Variants in HAUS8 observed in about 807,000 individuals in gnomAD.
The protein encoded by HAUS8 is HAUS augmin-like complex subunit 8.
Under a neutral mutation model 42.9 loss-of-function variants are expected in HAUS8, and 38 were observed. The ratio of observed to expected loss-of-function variants is 0.89; its 90% CI spans 0.68 to 1.16. HAUS8 has a LOEUF of 1.16. Ranked by LOEUF, HAUS8 falls within the 50% of genes most tolerant of loss-of-function variation. The pLI is 0.00. For synonymous variants in HAUS8, 199 were observed against 205.8 expected (o/e 0.97, Z 0.28); for missense variants, 494 against 511.6 (o/e 0.97, Z 0.33).
chr19:17,060,362 T>C, intron 4 of HAUS8: 1 of 371,962 alleles, frequency 2.7e-6, no homozygotes, highest in Non-Finnish European at 4.9e-6. Flanking sequence ...GTTCACAAGA[T>C]GCTACAGGTG....
At position 17,065,803 on chromosome 19, in the gene HAUS8, G is replaced by A. The variant is rs185797641; in HGVS notation, c.148-3024C>T. 5.7e-3 allele frequency among the ~76,000 whole-genome samples: 840 copies of A among 146,606 alleles called. 4 individuals are homozygous for A. Among genetic ancestry groups the A allele is most frequent in the Admixed American group, 8.0e-3 (116 of 14,418 alleles). ...CGCACCACTGCATTCCAGACTGGGC[G>A]ACAGAGCGAGGCTCTATCTCAAAAA... On this transcript the variant is annotated intron_variant, in intron 3 of 10. Transcript: ENST00000253669.
chr19:17,071,596 G>A lies in HAUS8; in HGVS notation c.91+1678C>T, dbSNP rs150963179. On this transcript the variant is annotated intron_variant, in intron 2 of 10. Coordinates refer to ENST00000253669, the MANE Select transcript of HAUS8 (RefSeq NM_033417.2). ...AGCCCGGGTCTTTCTAGTAGCATCA[G>A]GAAACAGTTTTGCTCAACAAGGAGG... is the stretch of plus-strand genomic sequence containing the variant. 2.4e-4 allele frequency among the ~76,000 whole-genome samples: 36 copies of A among 152,306 alleles called. 1 individual carries two copies. The East Asian group carries it at 6.0e-3, about 25-fold the overall frequency.
Position 17,049,974 on chromosome 19 carries a change from G to A in HAUS8, c.1132C>T (p.Pro378Ser). The change falls in exon 11 of 11, where the codon CCC (proline) becomes TCC (serine). Residue 378 changes from proline (P) to serine (S), a missense_variant. Physicochemically the swap from Pro to Ser is moderately conservative, Grantham distance 74. Coordinates refer to ENST00000253669, the MANE Select transcript of HAUS8 (RefSeq NM_033417.2). Reference sequence around the variant, plus strand: ...GGGCTGATGAACGTGGCCTGAGCGGGGGCTGACGAGGCACCCGGGTTGTCG... The same window carrying A: ...GGGCTGATGAACGTGGCCTGAGCGGAGGCTGACGAGGCACCCGGGTTGTCG... ...EDDNPGASSA[P>S]AQATFISPSE... The A allele has an allele frequency of 6.3e-7, 1 of 1,599,672 alleles. No individual in the cohort carries two copies. Among genetic ancestry groups the A allele is most frequent in the African/African-American group, 1.3e-5 (1 of 74,374 alleles).
intron 6 of HAUS8, among the ~76,000 whole-genome samples, 162 bp downstream of exon 6, chr19:17,059,395 A>G (rs1480603958): frequency 6.6e-6 from 1 of 152,186 alleles, no homozygotes; most frequent in Non-Finnish European, 1.5e-5. Context: ...TGTAAACTCT[A>G]CAAATGATCT....
Position 17,060,083 on chromosome 19 carries a change from C to G in HAUS8, c.239G>C (p.Ser80Thr), listed in dbSNP as rs754171134. 6.2e-7 allele frequency: 1 copy of G among 1,608,980 alleles called. No individual in the cohort carries two copies. The highest frequency in any genetic ancestry group is 1.3e-5 in the African/African-American group (1 of 74,774). Reference sequence around the variant, plus strand: ...CTGCAGGTCACCCTTTCCGACCCCACTGCTATCTGCTGTTAAGAAAAGAAT... The same window carrying G: ...CTGCAGGTCACCCTTTCCGACCCCAGTGCTATCTGCTGTTAAGAAAAGAAT... ...SLLQKSKADS[S>T]GVGKGDLQST... The change falls in exon 5 of 11, where the codon AGT becomes ACT. Residue 80 changes from serine (S) to threonine (T), a missense_variant. Ser to Thr is a moderately conservative substitution (Grantham distance 58, BLOSUM62 1). Coordinates refer to ENST00000253669, the MANE Select transcript of HAUS8 (RefSeq NM_033417.2).
chr19:17,062,800 A>C, intron 3 of HAUS8, 21 bp from the exon 4 acceptor site: 1 of 1,581,428 alleles, frequency 6.3e-7, no homozygotes, highest in Non-Finnish European at 8.7e-7. Flanking sequence ...AACACATGAC[A>C]CTCAGAGGAC....
intron 2 of HAUS8, among the ~76,000 whole-genome samples, chr19:17,070,593 T>C (rs898839806): frequency 6.6e-6 from 1 of 152,198 alleles, no homozygotes; most frequent in African/African-American, 2.4e-5. Flanking sequence ...CACAGCACAC[T>C]TGTCTCTGCC....
At chr19:17,064,405 C>T (rs536405392) in intron 3 of HAUS8, among the ~76,000 whole-genome samples, 10 of 152,226 alleles carry the variant, frequency 6.6e-5, no homozygotes, top group South Asian at 6.2e-4. Context: ...GCCAAAGGAA[C>T]GAGAAGAGAC....
At chr19:17,075,244 G>A (rs886066577) in intron 1 of HAUS8, 150 bp downstream of exon 1, 1 of 808,238 alleles carries the variant, frequency 1.2e-6, no homozygotes, top group African/African-American at 1.7e-5. Context: ...CGCAGAGGCA[G>A]CACGCCATCG....
rs4808557 is a variant in HAUS8, at chr19:17,049,754, T to C, written c.*119A>G. 0.28 allele frequency: 230,758 copies of C among 811,784 alleles called. 34,428 individuals carry two copies. Among genetic ancestry groups the C allele is most frequent in the African/African-American group, 0.4 (22,827 of 56,686 alleles). The allele number at this position is 811,784 out of a possible 1,614,324, so 50.3% of individuals were successfully genotyped here. On this transcript the variant is annotated 3_prime_UTR_variant, in exon 11 of 11. Coordinates refer to ENST00000253669, the MANE Select transcript of HAUS8 (RefSeq NM_033417.2). ...TTCCAACTGGCCCCTTCATAGAAAA[T>C]GGAGGCTTCAATTGCAAAACAGGTT...
rs982580330 is a variant in HAUS8, at chr19:17,059,914, G to C, written c.325+83C>G. On this transcript the variant is annotated intron_variant, in intron 5 of 10. Transcript: ENST00000253669. ...TGGGTTTGTTGGATGTGACCCCACT[G>C]TAGGCCAATTGTACTTTGGAAGCCC... 1.1e-5 allele frequency: 11 copies of C among 972,424 alleles called. No individual in the cohort carries two copies. In the African/African-American group the frequency reaches 1.8e-4, roughly 16 times the overall value. 60.2% of individuals were successfully genotyped at this position (972,424 alleles called of 1,614,324 possible).
intron 1 of HAUS8, chr19:17,074,234 G>T: frequency 6.5e-6 from 1 of 152,746 alleles, no homozygotes. Flanking sequence ...GGCAAGTGGA[G>T]GGGCAGGGCC....
intron 6 of HAUS8, among the ~76,000 whole-genome samples, chr19:17,059,330 C>T (rs1217710211): frequency 6.6e-6 from 1 of 152,202 alleles, no homozygotes; most frequent in East Asian, 1.9e-4. Context: ...TCCCCTGTCT[C>T]ATTTTTTACA....
chr19:17,058,803 GT>G lies in HAUS8; in HGVS notation c.486+7del, dbSNP rs775379200. The G allele has an allele frequency of 4.4e-5, 71 of 1,612,648 alleles. No homozygotes were observed. In the East Asian group the frequency reaches 1.6e-3, roughly 35 times the overall value. ...CCATGGCATACGTGAACAAGAAACT[GT>G]TTTCACCTTTACGGATAGTAGCGTC... On this transcript the variant is annotated splice_region_variant and intron_variant, in intron 7 of 10. Coordinates refer to ENST00000253669, the MANE Select transcript of HAUS8 (RefSeq NM_033417.2).
At chr19:17,060,349 C>T in intron 4 of HAUS8, 2 of 405,540 alleles carry the variant, frequency 4.9e-6, no homozygotes, top group Non-Finnish European at 8.9e-6. Flanking sequence ...GGCCTTTCTG[C>T]TAGTTCACAA....
Position 17,058,399 on chromosome 19 carries a change from C to T in HAUS8, c.645+150G>A, listed in dbSNP as rs999707040. ...CTAAAAGTGTCATCATAGACCAACACCAGGACCAGAGCAAGTGTGGCATTA... is the reference window on the plus strand; with the variant it reads ...CTAAAAGTGTCATCATAGACCAACATCAGGACCAGAGCAAGTGTGGCATTA... On this transcript the variant is annotated intron_variant, in intron 8 of 10. Transcript: ENST00000253669. 30 of 718,294 alleles carry T rather than the reference C, an allele frequency of 4.2e-5. 1 individual carries two copies. In the South Asian group the frequency reaches 5.1e-4, roughly 12 times the overall value. 44.5% of individuals were successfully genotyped at this position (718,294 alleles called of 1,614,324 possible).
chr19:17,056,124 CAG>C (rs2057324978), intron 8 of HAUS8, 122 bp from the exon 9 acceptor site: 1 of 961,782 alleles, frequency 1.0e-6, no homozygotes, highest in East Asian at 2.5e-5. Flanking sequence ...CCCAGGGAAT[CAG>C]AGCTCAGGAA....
intron 3 of HAUS8, among the ~76,000 whole-genome samples, chr19:17,068,096 ATTCTTTTTTTT>A (rs1291502863): frequency 1.9e-5 from 2 of 104,874 alleles, no homozygotes; most frequent in African/African-American, 7.2e-5. Context: ...TTTTTATTTT[ATTCTTTTTTTT>A]TTTTTTTTTT....
At chr19:17,066,113 G>A (rs1183963286) in intron 3 of HAUS8, among the ~76,000 whole-genome samples, 3 of 151,920 alleles carry the variant, frequency 2.0e-5, no homozygotes, top group South Asian at 2.1e-4. Context: ...TCACCACTAC[G>A]CACAGCTATT....
Sources: gnomAD v4.1 joint callset for allele counts (sites outside exome capture counted in the v4.1 genomes callset) on GRCh38, gnomAD v4.1.1 for gene constraint, MANE v1.5 for transcripts, NCBI Gene and HGNC (gene_info 2026-07-23, HGNC 2026-07-21) for gene names.